DCC: variants seen among roughly 807,000 people sequenced by gnomAD.
DCC encodes the protein netrin receptor DCC.
Under a neutral mutation model 172.5 loss-of-function variants are expected in DCC, and 58 were observed. That is an observed-to-expected ratio of 0.34 (90% CI 0.27 to 0.42). DCC has a LOEUF of 0.42. Among genes scored for constraint, DCC ranks in the 10% least tolerant of loss-of-function variants. The pLI, the probability that DCC is intolerant of heterozygous loss-of-function variation, is 1.00. For synonymous variants in DCC, 709 were observed against 644.5 expected, an observed-to-expected ratio of 1.10 and a Z score of -1.52; for missense variants, 1,740 against 1,791.0, an observed-to-expected ratio of 0.97 and a Z score of 0.51.
intron 1 of DCC, among the ~76,000 whole-genome samples, chr18:52,519,995 T>C (rs1039102851): frequency 6.6e-6 from 1 of 152,188 alleles, no homozygotes; most frequent in South Asian, 2.1e-4. Flanking sequence ...ACTCAGTTAA[T>C]GGCAAGTTAT....
chr18:53,357,789 G>A (rs1473339906), intron 15 of DCC, among the ~76,000 whole-genome samples: 1 of 152,134 alleles, frequency 6.6e-6, no homozygotes, highest in Admixed American at 6.5e-5. Context: ...GTACAGTGCA[G>A]CAATAGTGAA....
At chr18:53,365,354 T>C (rs1427798843) in intron 15 of DCC, among the ~76,000 whole-genome samples, 2 of 151,678 alleles carry the variant, frequency 1.3e-5, no homozygotes, top group Non-Finnish European at 2.9e-5. Context: ...TCCAAGTCTT[T>C]GCTATTGTGC....
rs535317295 is a variant in DCC at position 52,772,577 on chromosome 18, C to A, written c.412+20203C>A. On this transcript the variant is annotated intron_variant, in intron 2 of 28. Transcript: ENST00000442544. ...CTGTGCAACAAAGGGAAAAGCACAT[C>A]TCTAGGATCAATTTCAGAGCCAGCT... Among the ~76,000 whole-genome samples the A allele has an allele frequency of 6.6e-4, 100 of 152,310 alleles. 1 individual carries two copies. The highest frequency in any genetic ancestry group is 2.2e-3 in the Admixed American group (34 of 15,306).
rs374961916 is a variant in DCC, at chr18:52,590,492, C to T, written c.92-161562C>T. Among the ~76,000 whole-genome samples the T allele has an allele frequency of 2.0e-3, 311 of 152,212 alleles. 2 individuals carry two copies. Among genetic ancestry groups the T allele is most frequent in the African/African-American group, 6.8e-3 (284 of 41,520 alleles). On this transcript the variant is annotated intron_variant, in intron 1 of 28. Transcript: ENST00000442544. ...TAAATAATATTTTTTCCATGCTGAT[C>T]GTAATTTGACACTTTAGGAGCCTCT...
At chr18:52,831,428 A>C (rs1012578097) in intron 2 of DCC, among the ~76,000 whole-genome samples, 4 of 152,140 alleles carry the variant, frequency 2.6e-5, no homozygotes, top group Non-Finnish European at 5.9e-5. Context: ...GGCAGGCGTG[A>C]ATGCAGGGAA....
At chr18:52,500,933 A>G (rs2030993777) in intron 1 of DCC, among the ~76,000 whole-genome samples, 1 of 152,158 alleles carries the variant, frequency 6.6e-6, no homozygotes, top group South Asian at 2.1e-4. Context: ...TGACCAAGTA[A>G]TTGACACGTG....
At chr18:53,400,809 A>C (rs1909251429) in intron 18 of DCC, among the ~76,000 whole-genome samples, 1 of 152,154 alleles carries the variant, frequency 6.6e-6, no homozygotes, top group Admixed American at 6.6e-5. Flanking sequence ...AAAGTTGAAG[A>C]ATCACTTTAT....
chr18:52,540,120 T>C (rs1328516751), intron 1 of DCC, among the ~76,000 whole-genome samples: 1 of 152,242 alleles, frequency 6.6e-6, no homozygotes, highest in African/African-American at 2.4e-5. Flanking sequence ...AGGACATTAA[T>C]ATCTCTCTGG....
chr18:52,940,670 T>G (rs28403887), intron 5 of DCC, among the ~76,000 whole-genome samples: 31,218 of 152,114 alleles, frequency 0.21, 3,570 homozygotes, highest in South Asian at 0.41. Context: ...AAGTGTAATT[T>G]AATATATCTA....
At chr18:53,089,489 T>C (rs2042971180) in intron 7 of DCC, among the ~76,000 whole-genome samples, 1 of 152,158 alleles carries the variant, frequency 6.6e-6, no homozygotes, top group African/African-American at 2.4e-5. Context: ...TGCAGGCCTC[T>C]TTCTTCATGA....
At chr18:52,811,694 AGAG>A (rs1166537192) in intron 2 of DCC, among the ~76,000 whole-genome samples, 1 of 152,202 alleles carries the variant, frequency 6.6e-6, no homozygotes, top group African/African-American at 2.4e-5. Context: ...AATTATAAGA[AGAG>A]ATCATGCTTT....
chr18:52,924,878 A>G (rs1490864732), intron 4 of DCC, among the ~76,000 whole-genome samples: 1 of 152,056 alleles, frequency 6.6e-6, no homozygotes, highest in African/African-American at 2.4e-5. Context: ...ATTGGATTTC[A>G]GGACACAGGA....
At chr18:53,236,519 G>A (rs1368986446) in intron 12 of DCC, among the ~76,000 whole-genome samples, 1 of 151,960 alleles carries the variant, frequency 6.6e-6, no homozygotes, top group Non-Finnish European at 1.5e-5. Context: ...TAAGTTGGAG[G>A]CTTTGGTATT....
At chr18:53,197,047 T>G (rs1368066570) in intron 9 of DCC, among the ~76,000 whole-genome samples, 1 of 152,082 alleles carries the variant, frequency 6.6e-6, no homozygotes, top group African/African-American at 2.4e-5. Context: ...ATTAAAGCTG[T>G]TAACTACAGG....
chr18:53,096,282 C>T (rs1217388776), intron 7 of DCC, among the ~76,000 whole-genome samples: 2 of 152,032 alleles, frequency 1.3e-5, no homozygotes, highest in Non-Finnish European at 2.9e-5. Context: ...AAGGTTACAG[C>T]GAGCTATGAT....
intron 1 of DCC, among the ~76,000 whole-genome samples, chr18:52,619,661 A>C (rs750475371): frequency 6.6e-6 from 1 of 152,212 alleles, no homozygotes; most frequent in Non-Finnish European, 1.5e-5. Context: ...TTCAAGATTC[A>C]AGATTTATGT....
chr18:53,212,474 T>G (rs1452049797), intron 11 of DCC, among the ~76,000 whole-genome samples: 1 of 151,834 alleles, frequency 6.6e-6, no homozygotes, highest in African/African-American at 2.4e-5. Flanking sequence ...AAGGAGGGAG[T>G]AGGAACTGAT....
chr18:53,249,674 G>T (rs182400770), intron 12 of DCC, among the ~76,000 whole-genome samples: 1 of 151,880 alleles, frequency 6.6e-6, no homozygotes, highest in South Asian at 2.1e-4. Flanking sequence ...AATAGGAGGC[G>T]TAACAGTAGA....
intron 5 of DCC, among the ~76,000 whole-genome samples, chr18:53,047,222 T>C (rs1485806309): frequency 1.3e-5 from 1 of 77,642 alleles, no homozygotes; most frequent in African/African-American, 4.9e-5. Context: ...TGGTGAGCCA[T>C]CCCTGCAGGT....
Sources: gnomAD v4.1 joint callset for allele counts (sites outside exome capture counted in the v4.1 genomes callset) on GRCh38, gnomAD v4.1.1 for gene constraint, MANE v1.5 for transcripts, NCBI Gene and HGNC (gene_info 2026-07-23, HGNC 2026-07-21) for gene names.